SCG3: variants seen among roughly 807,000 people sequenced by gnomAD.
The protein encoded by SCG3 is secretogranin III, also known as secretogranin-3.
A neutral mutation model predicts 56.2 loss-of-function variants in SCG3; 38 were observed. The ratio of observed to expected loss-of-function variants is 0.68; its 90% confidence interval spans 0.52 to 0.89. The LOEUF (loss-of-function observed/expected upper bound fraction) is 0.89, where lower values mean the gene tolerates loss of function less well. Ranked by LOEUF, SCG3 falls within the 40% of genes least tolerant of loss-of-function variation. SCG3 has a pLI of 0.00. For synonymous variants in SCG3, 176 were observed against 184.2 expected (o/e 0.96, Z 0.36); for missense variants, 524 against 540.7 (o/e 0.97, Z 0.31).
intron 10 of SCG3, among the ~76,000 whole-genome samples, chr15:51,704,208 AAT>A (rs1008904058): frequency 6.0e-5 from 8 of 132,756 alleles, no homozygotes; most frequent in African/African-American, 8.3e-5. Context: ...CTCTTTTTAA[AAT>A]ATATATATAT....
chr15:51,719,266 A>T, intron 11 of SCG3, 142 bp from the exon 12 acceptor site: 1 of 642,460 alleles, frequency 1.6e-6, no homozygotes, highest in Non-Finnish European at 2.8e-6. Flanking sequence ...ACAAATGCCA[A>T]GAATTAAAAT....
At chr15:51,681,917 T>G (rs1239149618) in intron 1 of SCG3, 80 bp downstream of exon 1, 3 of 1,081,742 alleles carry the variant, frequency 2.8e-6, no homozygotes, top group Non-Finnish European at 4.2e-6. Context: ...ACGTGAGCTG[T>G]AAATCACCCT....
chr15:51,706,785 C>T (rs757335272), intron 10 of SCG3, among the ~76,000 whole-genome samples: 9 of 149,130 alleles, frequency 6.0e-5, no homozygotes, highest in Non-Finnish European at 1.4e-4. Context: ...AAAAAACAGC[C>T]AACTTCATTA....
In SCG3 at chr15:51,683,326, T is replaced by G. The variant is rs1567215110; in HGVS notation, c.289T>G (p.Ser97Ala). The G allele has an allele frequency of 1.2e-6, 2 of 1,613,114 alleles. No homozygotes were observed. Among genetic ancestry groups the G allele is most frequent in the Non-Finnish European group, 1.7e-6 (2 of 1,179,414 alleles). Residue 97 changes from serine to alanine, a missense_variant, in exon 4 of 12, where the codon TCC becomes GCC. Transcript: ENST00000220478. ...GAAAGAAAGACAATCTATAAGAAGC[T>G]CCCCACTTGATAATAAGTTGAATGT... ...IEKERQSIRS[S>A]PLDNKLNVED...
At chr15:51,683,497 T>C (rs1348085026) in intron 4 of SCG3, 63 bp downstream of exon 4, 1 of 1,016,460 alleles carries the variant, frequency 9.8e-7, no homozygotes, top group African/African-American at 1.6e-5. Context: ...TAAGAGAAAG[T>C]CCAATATTTT....
At chr15:51,699,453 G>A in intron 9 of SCG3, 51 bp downstream of exon 9, 1 of 1,158,310 alleles carries the variant, frequency 8.6e-7, no homozygotes, top group East Asian at 2.4e-5. Flanking sequence ...ACCCTTTTGA[G>A]TGGTAAATAA....
Position 51,719,841 on chromosome 15 carries a change from T to G in SCG3, c.*315T>G, listed in dbSNP as rs2055484896. On this transcript the variant is annotated 3_prime_UTR_variant, in exon 12 of 12. Coordinates refer to ENST00000220478, the MANE Select transcript of SCG3 (RefSeq NM_013243.4). ...ACCTTAAAACTCATCCTTCTTCCAC[T>G]GTCTCATCCACATAAGCACTCCCCG... 4.1e-6 allele frequency: 1 copy of G among 246,842 alleles called. No individual in the cohort carries two copies. The highest frequency in any genetic ancestry group is 7.8e-6 in the Non-Finnish European group (1 of 128,632). The allele number at this position is 246,842 out of a possible 1,614,324, so 15.3% of individuals were successfully genotyped here.
At chr15:51,699,434 A>AGAATAATAACCCTTTTGAGTGGT (rs2055325838) in intron 9 of SCG3, 32 bp downstream of exon 9, 1 of 1,358,782 alleles carries the variant, frequency 7.4e-7, no homozygotes, top group Non-Finnish European at 1.0e-6. Flanking sequence ...TTTAGCCTTT[A>AGAATAATAACCCTTTTGAGTGGT]GAATAATAAC....
At chr15:51,689,110 A>G (rs2055249387) in intron 5 of SCG3, 109 bp from the exon 6 acceptor site, 7 of 1,204,848 alleles carry the variant, frequency 5.8e-6, no homozygotes, top group Non-Finnish European at 8.3e-6. Flanking sequence ...GATGGTTCAG[A>G]AGATTCCTCT....
intron 4 of SCG3, 83 bp from the exon 5 acceptor site, chr15:51,688,177 C>T (rs144644978): frequency 1.0e-5 from 13 of 1,287,082 alleles, no homozygotes; most frequent in Admixed American, 4.4e-5. Flanking sequence ...TATACAAAAG[C>T]GAAGTACAGA....
chr15:51,690,918 C>G (rs2055262840), intron 6 of SCG3, among the ~76,000 whole-genome samples: 1 of 152,068 alleles, frequency 6.6e-6, no homozygotes, highest in South Asian at 2.1e-4. Context: ...AGACATAATC[C>G]CTGACTCATG....
intron 8 of SCG3, among the ~76,000 whole-genome samples, chr15:51,698,363 T>C (rs995118401): frequency 6.6e-6 from 1 of 152,152 alleles, no homozygotes; most frequent in Admixed American, 6.5e-5. Context: ...TAGACTCCTG[T>C]CTAGTAACAC....
intron 10 of SCG3, among the ~76,000 whole-genome samples, chr15:51,702,385 T>C (rs985612275): frequency 6.6e-6 from 1 of 152,126 alleles, no homozygotes; most frequent in East Asian, 1.9e-4. Flanking sequence ...GCCTCCCAAG[T>C]AGCTGGGACT....
chr15:51,692,395 G>A lies in SCG3; in HGVS notation c.868+59G>A. 4 of 1,444,894 alleles carry A rather than the reference G, an allele frequency of 2.8e-6. No individual in the cohort carries two copies. The South Asian group carries it at 5.3e-5, about 19-fold the overall frequency. The allele number at this position is 1,444,894 out of a possible 1,614,324, so 89.5% of individuals were successfully genotyped here. On this transcript the variant is annotated intron_variant, in intron 7 of 11. Transcript: ENST00000220478. ...GAAAGAGTGATTCCAGGAAATGTATGGGTGTGTTCTTTTCTTCCTGTTTTC... is the reference window on the plus strand; with the variant it reads ...GAAAGAGTGATTCCAGGAAATGTATAGGTGTGTTCTTTTCTTCCTGTTTTC...
intron 10 of SCG3, among the ~76,000 whole-genome samples, chr15:51,703,604 C>T (rs1039372397): frequency 1.3e-5 from 2 of 152,068 alleles, no homozygotes; most frequent in African/African-American, 4.8e-5. Flanking sequence ...TTTTCCTTTC[C>T]CAAGACTTGA....
chr15:51,719,563 A>G lies in SCG3; in HGVS notation c.*37A>G, dbSNP rs1424029350. On this transcript the variant is annotated 3_prime_UTR_variant, in exon 12 of 12. Transcript: ENST00000220478. ...GATCCAGGAGTCTTTCAACTGTTTC[A>G]GAAAACATAATATAGCTTAAAACAC... 1 of 1,406,416 alleles carries G rather than the reference A, an allele frequency of 7.1e-7. No individual in the cohort carries two copies. The highest frequency in any genetic ancestry group is 1.0e-6 in the Non-Finnish European group (1 of 995,846). 87.1% of individuals were successfully genotyped at this position (1,406,416 alleles called of 1,614,324 possible). A position where few individuals can be genotyped will look rare whatever the true frequency, so the allele number is the denominator to read the frequency against.
intron 2 of SCG3, 41 bp from the exon 3 acceptor site, chr15:51,683,038 C>A: frequency 3.3e-6 from 5 of 1,529,184 alleles, no homozygotes; most frequent in Non-Finnish European, 4.5e-6. Flanking sequence ...AGTAGTGGAG[C>A]AATGATTTTA....
rs74015704 is a variant in SCG3, at chr15:51,687,791, C to T, written c.398-469C>T. On this transcript the variant is annotated intron_variant, in intron 4 of 11. Transcript: ENST00000220478. Reference sequence around the variant, plus strand: ...CTGATTCTGGGTGTGAGGTAGAAGTCCCTGCCCCTACCCCAGGAATTTGCC... The same window carrying T: ...CTGATTCTGGGTGTGAGGTAGAAGTTCCTGCCCCTACCCCAGGAATTTGCC... Among the ~76,000 whole-genome samples the T allele has an allele frequency of 5.1e-3, 769 of 152,200 alleles. 8 individuals are homozygous for T. Among genetic ancestry groups the T allele is most frequent in the African/African-American group, 0.018 (735 of 41,522 alleles).
chr15:51,704,272 TATATATAA>T (rs1313948678), intron 10 of SCG3, among the ~76,000 whole-genome samples: 10 of 133,384 alleles, frequency 7.5e-5, no homozygotes, highest in East Asian at 2.7e-4. Context: ...TATATATATA[TATATATAA>T]AATAGCTCTT....
Sources: gnomAD v4.1 joint callset for allele counts (sites outside exome capture counted in the v4.1 genomes callset) on GRCh38, gnomAD v4.1.1 for gene constraint, MANE v1.5 for transcripts, NCBI Gene and HGNC (gene_info 2026-07-23, HGNC 2026-07-21) for gene names.